Variants in FAM174A observed in about 807,000 individuals in gnomAD.
FAM174A encodes membrane protein FAM174A.
A neutral mutation model predicts 14.3 loss-of-function variants in FAM174A; 14 were observed. That is an observed-to-expected ratio of 0.98 (90% CI 0.65 to 1.53). FAM174A has a LOEUF of 1.53. Among genes scored for constraint, FAM174A ranks in the 40% most tolerant of loss-of-function variants. FAM174A has a pLI of 0.00. For synonymous variants in FAM174A, 108 were observed against 111.4 expected, an observed-to-expected ratio of 0.97 and a Z score of 0.19; for missense variants, 241 against 249.6, an observed-to-expected ratio of 0.97 and a Z score of 0.23.
chr5:100,558,343 G>A lies in FAM174A; in HGVS notation c.435-3711G>A, dbSNP rs185520719. Among the ~76,000 whole-genome samples the A allele has an allele frequency of 1.7e-4, 26 of 152,274 alleles. No homozygotes were observed. In the East Asian group the frequency reaches 4.8e-3, roughly 28 times the overall value. On this transcript the variant is annotated intron_variant, in intron 1 of 2. Transcript: ENST00000312637. ...TCTGTTCTTTTACATTTGCTGAGGA[G>A]TGCTTTACTTCCAACTATGTGGTCA...
intron 1 of FAM174A, among the ~76,000 whole-genome samples, chr5:100,558,870 A>G (rs1746458081): frequency 6.6e-6 from 1 of 152,052 alleles, no homozygotes; most frequent in African/African-American, 2.4e-5. Context: ...CAGCACACTG[A>G]TGGGTCTTGA....
At chr5:100,564,529 A>G (rs1561319757) in intron 2 of FAM174A, among the ~76,000 whole-genome samples, 2 of 152,018 alleles carry the variant, frequency 1.3e-5, no homozygotes, top group East Asian at 1.9e-4. Context: ...GAGGGAAATA[A>G]TTAAGATTAT....
chr5:100,581,236 A>AT (rs942236563), intron 2 of FAM174A: 40 of 331,630 alleles, frequency 1.2e-4, no homozygotes, highest in South Asian at 2.4e-4. Flanking sequence ...GGCCTGCGGC[A>AT]TTTTTTTTGA....
intron 1 of FAM174A, among the ~76,000 whole-genome samples, chr5:100,541,474 A>G (rs193080283): frequency 6.6e-5 from 10 of 152,160 alleles, no homozygotes; most frequent in African/African-American, 2.4e-4. Context: ...CTGCTTGGAT[A>G]TATTTCATTT....
chr5:100,579,873 T>G (rs955034156), intron 2 of FAM174A, among the ~76,000 whole-genome samples: 4 of 152,210 alleles, frequency 2.6e-5, no homozygotes, highest in Admixed American at 6.5e-5. Context: ...CTAGCAGAGT[T>G]TTCATTTATC....
At chr5:100,571,689 TATAC>T (rs974274650) in intron 2 of FAM174A, among the ~76,000 whole-genome samples, 9 of 147,246 alleles carry the variant, frequency 6.1e-5, no homozygotes, top group Non-Finnish European at 1.3e-4. Context: ...TATATATATA[TATAC>T]ACACACACAC....
chr5:100,583,579 T>C (rs1450336174), intron 2 of FAM174A, among the ~76,000 whole-genome samples: 1 of 152,198 alleles, frequency 6.6e-6, no homozygotes, highest in African/African-American at 2.4e-5. Flanking sequence ...TGTTCCATTG[T>C]AATGTCAGTT....
chr5:100,548,186 G>C (rs1306905282), intron 1 of FAM174A, among the ~76,000 whole-genome samples: 1 of 152,008 alleles, frequency 6.6e-6, no homozygotes, highest in Non-Finnish European at 1.5e-5. Context: ...TTTCATGATT[G>C]GTTTGAATCA....
At chr5:100,546,241 T>A (rs1378678328) in intron 1 of FAM174A, among the ~76,000 whole-genome samples, 1 of 152,200 alleles carries the variant, frequency 6.6e-6, no homozygotes, top group Non-Finnish European at 1.5e-5. Flanking sequence ...TTCACAGTTG[T>A]CAGAGCTTGG....
Position 100,553,597 on chromosome 5 carries a change from A to G in FAM174A, c.435-8457A>G, listed in dbSNP as rs1666430671. 2.0e-5 allele frequency among the ~76,000 whole-genome samples: 3 copies of G among 152,244 alleles called. No individual in the cohort carries two copies. In the South Asian group the frequency reaches 6.2e-4, roughly 32 times the overall value. On this transcript the variant is annotated intron_variant, in intron 1 of 2. Transcript: ENST00000312637. Reference sequence around the variant, plus strand: ...CTTGGATGAGTCAGTACATATACTAAAACAGTAAATTCATTTAGATTTGAA... The same window carrying G: ...CTTGGATGAGTCAGTACATATACTAGAACAGTAAATTCATTTAGATTTGAA...
chr5:100,574,691 G>A (rs1381429131), intron 2 of FAM174A, among the ~76,000 whole-genome samples: 1 of 151,710 alleles, frequency 6.6e-6, no homozygotes, highest in Non-Finnish European at 1.5e-5. Context: ...ATAAAAATTA[G>A]CAAAGAACCT....
chr5:100,545,715 T>C (rs1482091713), intron 1 of FAM174A, among the ~76,000 whole-genome samples: 1 of 152,208 alleles, frequency 6.6e-6, no homozygotes, highest in Non-Finnish European at 1.5e-5. Flanking sequence ...TTTCCATGCA[T>C]GCCTTTATTC....
In FAM174A at chr5:100,586,441, T is replaced by C. The variant is rs1747127497; in HGVS notation, c.*257T>C. 1 of 251,762 alleles carries C rather than the reference T, an allele frequency of 4.0e-6. No homozygotes were observed. The highest frequency in any genetic ancestry group is 5.5e-5 in the Admixed American group (1 of 18,116). The allele number at this position is 251,762 out of a possible 1,614,324, so 15.6% of individuals were successfully genotyped here. On this transcript the variant is annotated 3_prime_UTR_variant, in exon 3 of 3. Transcript: ENST00000312637. ...AATAATTTATCTGTTTGAAAATTAC[T>C]ATAAAACGGTGTTTTCTGATCGGTT...
chr5:100,550,341 G>A (rs935102391), intron 1 of FAM174A, among the ~76,000 whole-genome samples: 1 of 152,054 alleles, frequency 6.6e-6, no homozygotes, highest in Non-Finnish European at 1.5e-5. Flanking sequence ...AATTTGGCTA[G>A]CTCCCTTAGA....
At chr5:100,582,606 A>C (rs1426948122) in intron 2 of FAM174A, among the ~76,000 whole-genome samples, 1 of 152,182 alleles carries the variant, frequency 6.6e-6, no homozygotes. Flanking sequence ...ATCTATAAAA[A>C]TTTGTATGTC....
At chr5:100,571,859 T>A (rs1407014138) in intron 2 of FAM174A, among the ~76,000 whole-genome samples, 2 of 151,892 alleles carry the variant, frequency 1.3e-5, no homozygotes, top group African/African-American at 2.4e-5. Flanking sequence ...CAACCATTTT[T>A]ACAGCAAAGT....
intron 1 of FAM174A, among the ~76,000 whole-genome samples, chr5:100,553,465 A>G (rs1400381373): frequency 1.3e-5 from 2 of 152,108 alleles, no homozygotes; most frequent in Non-Finnish European, 2.9e-5. Flanking sequence ...CTGTATGACC[A>G]CATAATTATC....
At chr5:100,558,274 C>G (rs1210559406) in intron 1 of FAM174A, among the ~76,000 whole-genome samples, 1 of 152,114 alleles carries the variant, frequency 6.6e-6, no homozygotes, top group Non-Finnish European at 1.5e-5. Flanking sequence ...TTCCTGAGTT[C>G]TAGTTTGATT....
chr5:100,569,343 AT>A (rs1561321264), intron 2 of FAM174A, among the ~76,000 whole-genome samples: 1 of 151,526 alleles, frequency 6.6e-6, no homozygotes, highest in African/African-American at 2.4e-5. Context: ...TCATATGTAT[AT>A]GAACATATAT....
Sources: gnomAD v4.1 joint callset for allele counts (sites outside exome capture counted in the v4.1 genomes callset) on GRCh38, gnomAD v4.1.1 for gene constraint, MANE v1.5 for transcripts, NCBI Gene and HGNC (gene_info 2026-07-23, HGNC 2026-07-21) for gene names.